The following DLGAP2 variants were observed in gnomAD, a reference collection of about 807,000 sequenced individuals.
DLGAP2 encodes the protein DLG associated protein 2.
In DLGAP2, 26 loss-of-function variants were observed where a neutral mutation model predicts 100.3. That is an observed-to-expected ratio of 0.26 (90% CI 0.19 to 0.36). The LOEUF (loss-of-function observed/expected upper bound fraction) is 0.36, where lower values mean the gene tolerates loss of function less well. Ranked by LOEUF, DLGAP2 falls within the 10% of genes least tolerant of loss-of-function variation. The probability of loss-of-function intolerance (pLI) is 1.00; values close to 1 mark genes in which losing one functional copy is unlikely to be tolerated. For synonymous variants in DLGAP2, 886 were observed against 630.1 expected (o/e 1.41, Z -6.08); for missense variants, 1,858 against 1,453.2 (o/e 1.28, Z -4.53).
At chr8:797,340 A>G (rs564504282) in intron 1 of DLGAP2, among the ~76,000 whole-genome samples, 3 of 152,288 alleles carry the variant, frequency 2.0e-5, no homozygotes, top group Admixed American at 6.5e-5. Context: ...ATTTCACTCA[A>G]TGTAGCGTTT....
intron 6 of DLGAP2, among the ~76,000 whole-genome samples, chr8:1,588,719 T>G (rs73529653): frequency 3.4e-5 from 4 of 116,996 alleles, no homozygotes; most frequent in Admixed American, 2.3e-4. Flanking sequence ...CTGGCCAACA[T>G]GGTGAAAGCT....
At chr8:893,992 C>T (rs1397001956) in intron 1 of DLGAP2, among the ~76,000 whole-genome samples, 1 of 152,242 alleles carries the variant, frequency 6.6e-6, no homozygotes, top group Non-Finnish European at 1.5e-5. Flanking sequence ...GCTTCGAGGT[C>T]ACCCAGGCCG....
In DLGAP2 at chr8:898,742, G is replaced by A. The variant is rs182322357; in HGVS notation, c.19-9170G>A. On this transcript the variant is annotated intron_variant, in intron 1 of 14. Coordinates refer to ENST00000637795, the MANE Select transcript of DLGAP2 (RefSeq NM_001346810.2). The stretch of plus-strand genomic sequence containing the variant: ...CTGCTCTTTATCTCACAAAGCACGT[G>A]GAAGCTGTTGCTTTGTGCTCACCGT... Among the ~76,000 whole-genome samples, 158 of 152,290 alleles carry A rather than the reference G, an allele frequency of 1.0e-3. 1 individual carries two copies. Among genetic ancestry groups the A allele is most frequent in the African/African-American group, 3.5e-3 (147 of 41,576 alleles).
At chr8:940,364 G>C (rs1265578317) in intron 2 of DLGAP2, among the ~76,000 whole-genome samples, 1 of 152,040 alleles carries the variant, frequency 6.6e-6, no homozygotes, top group Admixed American at 6.6e-5. Context: ...GAGAGAGAGA[G>C]AGAGAGAGGG....
chr8:1,591,751 T>A (rs2130673945), intron 6 of DLGAP2, among the ~76,000 whole-genome samples: 1 of 152,144 alleles, frequency 6.6e-6, no homozygotes, highest in East Asian at 1.9e-4. Flanking sequence ...CACACCCAAC[T>A]GCATCCTGGA....
intron 4 of DLGAP2, among the ~76,000 whole-genome samples, chr8:1,522,757 C>T (rs946166825): frequency 5.3e-5 from 8 of 152,214 alleles, no homozygotes; most frequent in South Asian, 2.1e-4. Context: ...TCAAATTACA[C>T]GCGCCAAGTG....
chr8:995,626 C>T (rs1028818893), intron 2 of DLGAP2, among the ~76,000 whole-genome samples: 8 of 152,196 alleles, frequency 5.3e-5, no homozygotes, highest in Non-Finnish European at 7.3e-5. Flanking sequence ...TAGGAAGTGG[C>T]ATGCACATAT....
intron 4 of DLGAP2, among the ~76,000 whole-genome samples, chr8:1,545,975 A>G (rs969966861): frequency 5.3e-5 from 8 of 152,220 alleles, no homozygotes; most frequent in Non-Finnish European, 1.0e-4. Flanking sequence ...ACAAAGCAAA[A>G]GATAATAGGA....
intron 1 of DLGAP2, among the ~76,000 whole-genome samples, chr8:863,948 C>T (rs1190829330): frequency 6.6e-6 from 1 of 152,162 alleles, no homozygotes; most frequent in Non-Finnish European, 1.5e-5. Context: ...GAAACGGAAT[C>T]AGCCTGTGTG....
chr8:1,408,817 C>G (rs948480860), intron 3 of DLGAP2, among the ~76,000 whole-genome samples: 9 of 152,020 alleles, frequency 5.9e-5, no homozygotes, highest in African/African-American at 2.2e-4. Context: ...ACTGCGTTAA[C>G]AGGAAGACTT....
intron 1 of DLGAP2, among the ~76,000 whole-genome samples, chr8:847,638 C>G (rs1797095500): frequency 6.6e-6 from 1 of 152,062 alleles, no homozygotes; most frequent in South Asian, 2.1e-4. Flanking sequence ...TCCAGAGTAG[C>G]TGGGACTATA....
intron 3 of DLGAP2, among the ~76,000 whole-genome samples, chr8:1,358,815 A>G (rs1801912990): frequency 6.6e-6 from 1 of 150,998 alleles, no homozygotes; most frequent in Non-Finnish European, 1.5e-5. Context: ...TGATCAGGCC[A>G]CGTTTGTCAT....
At chr8:928,472 G>T (rs1798867651) in intron 2 of DLGAP2, among the ~76,000 whole-genome samples, 1 of 152,180 alleles carries the variant, frequency 6.6e-6, no homozygotes, top group Non-Finnish European at 1.5e-5. Context: ...CAGGTCCCCA[G>T]CTTGGTGCTC....
In DLGAP2 at chr8:1,289,544, G is replaced by A. The variant is rs948965032; in HGVS notation, c.106+30661G>A. ...TAAAAGCTCATACCTTGCTCCTTTCGTTCCTTGTGGATGCCAGCAGCTTTG... is the reference window on the plus strand; with the variant it reads ...TAAAAGCTCATACCTTGCTCCTTTCATTCCTTGTGGATGCCAGCAGCTTTG... On this transcript the variant is annotated intron_variant, in intron 3 of 14. Coordinates refer to ENST00000637795, the MANE Select transcript of DLGAP2 (RefSeq NM_001346810.2). Among the ~76,000 whole-genome samples, 8 of 152,172 alleles carry A rather than the reference G, an allele frequency of 5.3e-5. No homozygotes were observed. The East Asian group carries it at 7.7e-4, about 15-fold the overall frequency.
intron 6 of DLGAP2, among the ~76,000 whole-genome samples, chr8:1,606,009 A>G (rs960213005): frequency 6.6e-6 from 1 of 152,218 alleles, no homozygotes; most frequent in Non-Finnish European, 1.5e-5. Context: ...GCAGAGAATC[A>G]TAACCAGCAC....
intron 4 of DLGAP2, among the ~76,000 whole-genome samples, chr8:1,527,867 G>T (rs1421777503): frequency 7.1e-6 from 1 of 140,868 alleles, no homozygotes; most frequent in African/African-American, 2.6e-5. Flanking sequence ...TTTTCTGTTT[G>T]AAAAAAAAAA....
rs77454977 is a variant in DLGAP2 at position 1,510,734 on chromosome 8, C to G, written c.172+9303C>G. On this transcript the variant is annotated intron_variant, in intron 4 of 14. Coordinates refer to ENST00000637795, the MANE Select transcript of DLGAP2 (RefSeq NM_001346810.2). ...GTGGCCAGTCTAGGTCTGAACCAAGCCAAACCCTGTAGGACCTTTTGAGTA... is the reference window on the plus strand; with the variant it reads ...GTGGCCAGTCTAGGTCTGAACCAAGGCAAACCCTGTAGGACCTTTTGAGTA... Among the ~76,000 whole-genome samples, 557 of 152,284 alleles carry G rather than the reference C, an allele frequency of 3.7e-3. 2 individuals are homozygous for G. The highest frequency in any genetic ancestry group is 0.013 in the African/African-American group (522 of 41,552).
intron 6 of DLGAP2, among the ~76,000 whole-genome samples, chr8:1,570,531 T>C (rs1802611818): frequency 6.6e-6 from 1 of 152,260 alleles, no homozygotes; most frequent in African/African-American, 2.4e-5. Context: ...CCACCTAAGC[T>C]TTGAGAAGGC....
At chr8:1,281,827 G>A (rs754082683) in intron 3 of DLGAP2, among the ~76,000 whole-genome samples, 13 of 152,198 alleles carry the variant, frequency 8.5e-5, no homozygotes, top group African/African-American at 1.4e-4. Flanking sequence ...GATCTGCAAC[G>A]TTTGATTTGC....
Sources: gnomAD v4.1 joint callset for allele counts (sites outside exome capture counted in the v4.1 genomes callset) on GRCh38, gnomAD v4.1.1 for gene constraint, MANE v1.5 for transcripts, NCBI Gene and HGNC (gene_info 2026-07-23, HGNC 2026-07-21) for gene names.